The following HTR2A variants were observed in gnomAD, a reference collection of about 807,000 sequenced individuals.
The protein encoded by HTR2A is 5-HT2 receptor.
A neutral mutation model predicts 31.0 loss-of-function variants in HTR2A; 14 were observed. The observed-to-expected ratio is 0.45, with a 90% CI of 0.30 to 0.71. HTR2A has a LOEUF of 0.71. Ranked by LOEUF, HTR2A falls within the 30% of genes least tolerant of loss-of-function variation. The probability of loss-of-function intolerance (pLI) is 0.09; values close to 1 mark genes in which losing one functional copy is unlikely to be tolerated. For synonymous variants in HTR2A, 209 were observed against 225.2 expected, an observed-to-expected ratio of 0.93 and a Z score of 0.64; for missense variants, 442 against 573.3, an observed-to-expected ratio of 0.77 and a Z score of 2.34.
intron 3 of HTR2A, chr13:46,853,872 A>G (rs1950710713): frequency 6.6e-6 from 1 of 152,044 alleles, no homozygotes; most frequent in Non-Finnish European, 1.5e-5. Context: ...ATGACCGTCT[A>G]TTTTCCCAGA....
intron 3 of HTR2A, among the ~76,000 whole-genome samples, chr13:46,848,402 C>T (rs1325398657): frequency 1.3e-5 from 2 of 152,106 alleles, no homozygotes; most frequent in Non-Finnish European, 2.9e-5. Flanking sequence ...TAGAGCTTAG[C>T]GATTATCTAA....
At chr13:46,862,054 A>G (rs1950782754) in intron 3 of HTR2A, among the ~76,000 whole-genome samples, 1 of 152,162 alleles carries the variant, frequency 6.6e-6, no homozygotes, top group South Asian at 2.1e-4. Flanking sequence ...GGATCCTGTT[A>G]ATTTCTTACA....
rs113821156 is a variant in HTR2A, at chr13:46,886,277, G to T, written c.613+6113C>A. On this transcript the variant is annotated intron_variant, in intron 3 of 3. Coordinates refer to ENST00000542664, the MANE Select transcript of HTR2A (RefSeq NM_000621.5). ...ATGGGACTGTAATCATAAGAGCAAT[G>T]GAAGAGTCCCATAACAATTCAAACT... Among the ~76,000 whole-genome samples the T allele has an allele frequency of 2.7e-3, 405 of 152,226 alleles. 1 individual carries two copies. Among genetic ancestry groups the T allele is most frequent in the Non-Finnish European group, 4.3e-3 (294 of 68,026 alleles).
rs1278359175 is a variant in HTR2A, at chr13:46,835,547, G to A, written c.706C>T (p.Leu236=). The change falls in exon 4 of 4, where the codon CTG becomes TTG. Residue 236 remains leucine, a synonymous_variant. Transcript: ENST00000542664. ...SCLLADDNFV[L]IGSFVSFFIP... The stretch of plus-strand genomic sequence containing the variant: ...AAAAATGACACAAAAGAGCCGATCA[G>A]GACAAAGTTATCATCGGCGAGTAAG... 1.4e-5 allele frequency: 22 copies of A among 1,613,872 alleles called. No individual in the cohort carries two copies. Among genetic ancestry groups the A allele is most frequent in the Non-Finnish European group, 1.8e-5 (21 of 1,179,916 alleles).
chr13:46,895,408 C>T lies in HTR2A; in HGVS notation c.412+87G>A. 8.4e-7 allele frequency: 1 copy of T among 1,187,228 alleles called. No homozygotes were observed. Among genetic ancestry groups the T allele is most frequent in the South Asian group, 1.6e-5 (1 of 64,300 alleles). The allele number at this position is 1,187,228 out of a possible 1,614,324, so 73.5% of individuals were successfully genotyped here. A position where few individuals can be genotyped will look rare whatever the true frequency, so the allele number is the denominator to read the frequency against. ...AAGACTTCTATTTATAGTTTGTTTG[C>T]CCCCTGAGCCCCATCTCATCTGCTG... On this transcript the variant is annotated intron_variant, in intron 2 of 3. Transcript: ENST00000542664. The surrounding 1 kb of genome is among the most constrained non-coding windows in gnomAD (Gnocchi z 4.4).
intron 3 of HTR2A, among the ~76,000 whole-genome samples, chr13:46,843,505 C>T (rs1018983446): frequency 1.3e-5 from 2 of 151,990 alleles, no homozygotes; most frequent in Non-Finnish European, 2.9e-5. Context: ...AGCACAAAGA[C>T]GCATAGTAGG....
intron 3 of HTR2A, among the ~76,000 whole-genome samples, chr13:46,859,799 T>C (rs113414011): frequency 1.5e-3 from 235 of 152,312 alleles, no homozygotes; most frequent in Admixed American, 4.8e-3. Context: ...CAGGTATTTC[T>C]TTACGGCAAT....
chr13:46,892,256 G>A (rs867026503), intron 3 of HTR2A, 134 bp downstream of exon 3: 1 of 815,022 alleles, frequency 1.2e-6, no homozygotes, highest in South Asian at 1.6e-5. Flanking sequence ...TAATTATGAT[G>A]TTGTAACATA....
intron 3 of HTR2A, among the ~76,000 whole-genome samples, chr13:46,877,509 C>T (rs75943547): frequency 0.01 from 1,544 of 152,082 alleles, 23 homozygotes; most frequent in African/African-American, 0.035. Flanking sequence ...CTTTTGAAAC[C>T]AAGGGCACAA....
At chr13:46,888,237 C>A (rs1023489715) in intron 3 of HTR2A, among the ~76,000 whole-genome samples, 2 of 151,950 alleles carry the variant, frequency 1.3e-5, no homozygotes, top group African/African-American at 4.8e-5. Context: ...GTCAAAGTGG[C>A]CAAAGTCACA....
chr13:46,876,404 A>ATT (rs1156826300), intron 3 of HTR2A, among the ~76,000 whole-genome samples: 4 of 71,290 alleles, frequency 5.6e-5, no homozygotes, highest in African/African-American at 1.0e-4. Context: ...ATATATATAT[A>ATT]TTTTTTTTTT....
chr13:46,840,969 A>G (rs1950593424), intron 3 of HTR2A, among the ~76,000 whole-genome samples: 2 of 152,042 alleles, frequency 1.3e-5, no homozygotes, highest in South Asian at 4.1e-4. Context: ...ACCTGGTGGG[A>G]GGTGATTGGA....
intron 3 of HTR2A, among the ~76,000 whole-genome samples, chr13:46,842,918 C>A (rs551489905): frequency 1.3e-5 from 2 of 152,282 alleles, no homozygotes; most frequent in South Asian, 4.1e-4. Flanking sequence ...ACCCAGTCAA[C>A]CACAGTCCGA....
chr13:46,861,940 A>T (rs1041600277), intron 3 of HTR2A, among the ~76,000 whole-genome samples: 1 of 152,212 alleles, frequency 6.6e-6, no homozygotes, highest in Admixed American at 6.5e-5. Context: ...ATAATGAGGA[A>T]TATTGGATGC....
At chr13:46,892,196 G>A (rs1423013153) in intron 3 of HTR2A, among the ~76,000 whole-genome samples, 194 bp downstream of exon 3, 1 of 152,208 alleles carries the variant, frequency 6.6e-6, no homozygotes, top group Non-Finnish European at 1.5e-5. Context: ...ACAAATTCAT[G>A]TTGTCAGCCA....
At chr13:46,875,944 C>A (rs1950906481) in intron 3 of HTR2A, among the ~76,000 whole-genome samples, 1 of 152,154 alleles carries the variant, frequency 6.6e-6, no homozygotes, top group Non-Finnish European at 1.5e-5. Flanking sequence ...ATGAGTTCAA[C>A]AGCTAAAAAG....
At chr13:46,875,907 G>C (rs1224560502) in intron 3 of HTR2A, among the ~76,000 whole-genome samples, 3 of 152,168 alleles carry the variant, frequency 2.0e-5, no homozygotes, top group Non-Finnish European at 4.4e-5. Flanking sequence ...AGACAATTTT[G>C]ATGATTGACA....
At chr13:46,875,703 C>G (rs61948330) in intron 3 of HTR2A, among the ~76,000 whole-genome samples, 6,084 of 152,146 alleles carry the variant, frequency 0.04, 164 homozygotes, top group South Asian at 0.095. Context: ...TGAAAATGTT[C>G]ACCTACAGAA....
chr13:46,853,999 C>T (rs935587662), intron 3 of HTR2A: 1 of 152,190 alleles, frequency 6.6e-6, no homozygotes, highest in African/African-American at 2.4e-5. Context: ...CCTGACAACT[C>T]CACTCTACTT....
Sources: allele counts gnomAD v4.1 joint callset (sites outside exome capture counted in the v4.1 genomes callset), GRCh38; gene constraint gnomAD v4.1.1; non-coding constraint Gnocchi (gnomAD v3.1); transcripts MANE v1.5; gene names NCBI Gene and HGNC (gene_info 2026-07-23, HGNC 2026-07-21).